Variants in ITGA1 observed in about 807,000 individuals in gnomAD.
The protein encoded by ITGA1 is integrin subunit alpha 1, also known as integrin alpha-1.
ITGA1 carries 85 observed loss-of-function variants against 145.9 expected under a neutral mutation model. The observed-to-expected ratio is 0.58, with a 90% confidence interval of 0.49 to 0.70. The LOEUF (loss-of-function observed/expected upper bound fraction) is 0.70, where lower values mean the gene tolerates loss of function less well. Ranked by LOEUF, ITGA1 falls within the 30% of genes least tolerant of loss-of-function variation. The probability of loss-of-function intolerance (pLI) is 0.00; values close to 1 mark genes in which losing one functional copy is unlikely to be tolerated. For missense variants in ITGA1, 1,351 were observed against 1,418.7 expected (o/e 0.95, Z 0.77); for synonymous variants, 520 against 495.3 (o/e 1.05, Z -0.66).
Position 52,918,807 on chromosome 5 carries a change from C to T in ITGA1, c.2064C>T (p.Cys688=). The change falls in exon 16 of 29, where the codon TGC becomes TGT. Residue 688 remains cysteine (C), a synonymous_variant. Transcript: ENST00000282588. ...AAGTGAATATTCAAAAGAAAAACTG[C>T]CATATGGAGGGAAAGGAAACAGTAT... ...PNKVNIQKKN[C]HMEGKETVCI... 2 of 1,611,536 alleles carry T rather than the reference C, an allele frequency of 1.2e-6. No individual in the cohort carries two copies. Among genetic ancestry groups the T allele is most frequent in the Non-Finnish European group, 1.7e-6 (2 of 1,178,742 alleles).
intron 2 of ITGA1, among the ~76,000 whole-genome samples, chr5:52,853,417 T>A (rs749403389): frequency 6.6e-6 from 1 of 152,194 alleles, no homozygotes; most frequent in African/African-American, 2.4e-5. Context: ...TTTTGTTATT[T>A]AATTATCTCT....
intron 1 of ITGA1, among the ~76,000 whole-genome samples, chr5:52,833,157 A>C (rs1749103985): frequency 6.6e-6 from 1 of 150,828 alleles, no homozygotes; most frequent in Non-Finnish European, 1.5e-5. Flanking sequence ...GTGCCACTGC[A>C]CTCCAACCTG....
intron 26 of ITGA1, among the ~76,000 whole-genome samples, chr5:52,942,579 G>A (rs1751070241): frequency 6.8e-6 from 1 of 148,026 alleles, no homozygotes; most frequent in Non-Finnish European, 1.5e-5. Context: ...CGCCCAGGCT[G>A]GAGTCCAGTG....
intron 8 of ITGA1, chr5:52,889,527 A>G (rs1750109802): frequency 6.6e-6 from 1 of 152,102 alleles, no homozygotes; most frequent in Non-Finnish European, 1.5e-5. Flanking sequence ...TCTTAATCAA[A>G]CTATCAGTTT....
intron 13 of ITGA1, among the ~76,000 whole-genome samples, chr5:52,909,899 T>A (rs993535538): frequency 6.6e-6 from 1 of 152,092 alleles, no homozygotes; most frequent in Non-Finnish European, 1.5e-5. Context: ...TAATATTATT[T>A]GGCCTGAAAA....
chr5:52,927,714 A>C, intron 20 of ITGA1, 50 bp downstream of exon 20: 3 of 1,144,652 alleles, frequency 2.6e-6, no homozygotes, highest in African/African-American at 1.5e-5. Context: ...GAAAAGTAAT[A>C]TGTGCAAAGA....
intron 7 of ITGA1, among the ~76,000 whole-genome samples, chr5:52,885,914 ATATAGGAACATACGGCACTG>A (rs1750038984): frequency 6.6e-6 from 1 of 152,228 alleles, no homozygotes; most frequent in Non-Finnish European, 1.5e-5. Flanking sequence ...TGGTTTGATT[ATATAGGAACATACGGCACTG>A]GAGCTGTCTC....
chr5:52,814,740 G>A (rs577977140), intron 1 of ITGA1, among the ~76,000 whole-genome samples: 123 of 151,916 alleles, frequency 8.1e-4, no homozygotes, highest in South Asian at 8.3e-4. Context: ...AAAAAAAAAG[G>A]GGGGGAAAGA....
rs1283937734 is a variant in ITGA1, at chr5:52,933,953, A to G, written c.2921A>G (p.Asn974Ser). The change falls in exon 23 of 29, where the codon AAT becomes AGT. Residue 974 changes from asparagine (N) to serine (S), a missense_variant. Coordinates refer to ENST00000282588, the MANE Select transcript of ITGA1 (RefSeq NM_181501.2). ...AATGAGACAGTCCCTGAAGTTATTAATTCTACTGAGGACATTGGAAATGAA... is the reference window on the plus strand; with the variant it reads ...AATGAGACAGTCCCTGAAGTTATTAGTTCTACTGAGGACATTGGAAATGAA... ...AANETVPEVINSTEDIGNEIN... is the reference protein window; with the variant it reads ...AANETVPEVISSTEDIGNEIN... The G allele has an allele frequency of 6.5e-7, 1 of 1,531,026 alleles. No homozygotes were observed. The highest frequency in any genetic ancestry group is 8.8e-7 in the Non-Finnish European group (1 of 1,132,284). The allele number at this position is 1,531,026 out of a possible 1,614,324, so 94.8% of individuals were successfully genotyped here.
intron 11 of ITGA1, among the ~76,000 whole-genome samples, chr5:52,898,910 ATGAT>A (rs1750273018): frequency 6.6e-6 from 1 of 152,208 alleles, no homozygotes; most frequent in South Asian, 2.1e-4. Context: ...GTGATATAAC[ATGAT>A]CTTGTTTCCC....
chr5:52,912,973 C>T (rs1267331993), intron 14 of ITGA1, among the ~76,000 whole-genome samples: 1 of 151,998 alleles, frequency 6.6e-6, no homozygotes, highest in African/African-American at 2.4e-5. Context: ...GTTTTGATCT[C>T]CTGACTTCGT....
At position 52,909,000 on chromosome 5, in the gene ITGA1, AAGG is replaced by A. The variant is rs1201002121; in HGVS notation, c.1564_1566del (p.Glu522del). On this transcript the variant is annotated inframe_deletion, in exon 13 of 29. Coordinates refer to ENST00000282588, the MANE Select transcript of ITGA1 (RefSeq NM_181501.2). ...AGCCCCTATGTACATGGGAACAGAGAAGGAGGAGCAAGGAAAAGTGTATGTGTA... is the reference window on the plus strand; with the variant it reads ...AGCCCCTATGTACATGGGAACAGAGAAGGAGCAAGGAAAAGTGTATGTGTA... The A allele has an allele frequency of 1.2e-6, 2 of 1,613,920 alleles. No individual in the cohort carries two copies. Among genetic ancestry groups the A allele is most frequent in the South Asian group, 1.1e-5 (1 of 91,074 alleles).
chr5:52,872,359 T>C (rs146050422), intron 6 of ITGA1, among the ~76,000 whole-genome samples: 1 of 152,028 alleles, frequency 6.6e-6, no homozygotes, highest in Non-Finnish European at 1.5e-5. Flanking sequence ...TAGCCTCTAG[T>C]CTCCATTCTC....
intron 12 of ITGA1, among the ~76,000 whole-genome samples, 174 bp downstream of exon 12, chr5:52,906,082 A>G (rs1309912177): frequency 6.6e-6 from 1 of 152,192 alleles, no homozygotes; most frequent in Non-Finnish European, 1.5e-5. Context: ...CTTTGTCTTC[A>G]TGTTGGATGG....
intron 14 of ITGA1, among the ~76,000 whole-genome samples, chr5:52,911,323 G>A (rs1416615320): frequency 7.5e-6 from 1 of 132,972 alleles, no homozygotes; most frequent in African/African-American, 2.7e-5. Context: ...TGTATATATA[G>A]TGTATATAGT....
chr5:52,938,964 G>A (rs558456583), intron 24 of ITGA1, among the ~76,000 whole-genome samples: 25 of 151,902 alleles, frequency 1.6e-4, no homozygotes, highest in African/African-American at 3.4e-4. Flanking sequence ...GTGCAGTGGC[G>A]CGATCTTGGC....
At chr5:52,897,032 T>G (rs1430124198) in intron 9 of ITGA1, among the ~76,000 whole-genome samples, 1 of 152,138 alleles carries the variant, frequency 6.6e-6, no homozygotes, top group Non-Finnish European at 1.5e-5. Context: ...AATGAAATTT[T>G]TTTCAGTCCC....
At chr5:52,896,272 G>T (rs779066250) in intron 9 of ITGA1, among the ~76,000 whole-genome samples, 49 of 152,148 alleles carry the variant, frequency 3.2e-4, no homozygotes, top group Admixed American at 5.9e-4. Context: ...GCAGAATAGC[G>T]GCAGGGCAGG....
intron 1 of ITGA1, among the ~76,000 whole-genome samples, chr5:52,836,490 C>T (rs943307950): frequency 1.3e-5 from 2 of 152,022 alleles, no homozygotes; most frequent in African/African-American, 4.8e-5. Context: ...TTTGGTCCCG[C>T]CTTGGAAGTT....
Sources: allele counts gnomAD v4.1 joint callset (sites outside exome capture counted in the v4.1 genomes callset), GRCh38; gene constraint gnomAD v4.1.1; transcripts MANE v1.5; gene names NCBI Gene and HGNC (gene_info 2026-07-23, HGNC 2026-07-21).